BAZ2B: variants seen among roughly 807,000 people sequenced by gnomAD.
BAZ2B encodes bromodomain adjacent to zinc finger domain protein 2B.
A neutral mutation model predicts 246.0 loss-of-function variants in BAZ2B; 91 were observed. The ratio of observed to expected loss-of-function variants is 0.37; its 90% CI spans 0.31 to 0.44. The LOEUF is 0.44. BAZ2B is among the 20% of genes least tolerant of loss of function. The pLI, the probability that BAZ2B is intolerant of heterozygous loss-of-function variation, is 1.00. For synonymous variants in BAZ2B, 855 were observed against 860.0 expected (o/e 0.99, Z 0.10); for missense variants, 2,332 against 2,533.7 (o/e 0.92, Z 1.71).
intron 1 of BAZ2B, among the ~76,000 whole-genome samples, chr2:159,565,777 CAAAA>C (rs35993512): frequency 4.6e-5 from 5 of 109,414 alleles, no homozygotes; most frequent in South Asian, 2.9e-4. Flanking sequence ...ACTCCCATCT[CAAAA>C]AAAAAAAAAA....
chr2:159,448,104 A>G (rs2074519390), intron 5 of BAZ2B, 138 bp downstream of exon 5: 5 of 990,410 alleles, frequency 5.0e-6, no homozygotes, highest in East Asian at 2.8e-5. Context: ...AGCCTGGGCA[A>G]AAGAGTGAGA....
chr2:159,418,737 A>T (rs1454488234), intron 13 of BAZ2B, among the ~76,000 whole-genome samples: 1 of 152,154 alleles, frequency 6.6e-6, no homozygotes, highest in Non-Finnish European at 1.5e-5. Context: ...CAAGACTGGG[A>T]TGCAGCAATT....
At chr2:159,437,374 A>G (rs1018745100) in intron 8 of BAZ2B, 8 of 151,424 alleles carry the variant, frequency 5.3e-5, no homozygotes, top group African/African-American at 1.9e-4. Flanking sequence ...CATATAATCC[A>G]TTAAGAATGA....
At chr2:159,412,310 G>T in intron 14 of BAZ2B, 25 bp downstream of exon 14, 2 of 1,601,256 alleles carry the variant, frequency 1.2e-6, no homozygotes, top group Non-Finnish European at 1.7e-6. Context: ...ATGATTATTA[G>T]TGTCAGACAC....
At position 159,606,942 on chromosome 2, in the gene BAZ2B, C is replaced by T. The variant is rs1447912821; in HGVS notation, c.-46+9300G>A. On this transcript the variant is annotated intron_variant, in intron 1 of 36. Coordinates refer to ENST00000392783, the MANE Select transcript of BAZ2B (RefSeq NM_013450.4). Reference sequence around the variant, plus strand: ...TTTCTATTTTTTTTTTTTTTTGAGACGGAGTCTCACTCTGTCACCCAAGCT... The same window carrying T: ...TTTCTATTTTTTTTTTTTTTTGAGATGGAGTCTCACTCTGTCACCCAAGCT... 2.2e-4 allele frequency among the ~76,000 whole-genome samples: 25 copies of T among 111,444 alleles called. 1 individual carries two copies. In the South Asian group the frequency reaches 5.4e-3, roughly 24 times the overall value. The allele number at this position is 111,444 out of a possible 152,430, so 73.1% of individuals were successfully genotyped here.
intron 1 of BAZ2B, among the ~76,000 whole-genome samples, chr2:159,591,415 A>C (rs562371870): frequency 6.6e-6 from 1 of 152,332 alleles, no homozygotes; most frequent in South Asian, 2.1e-4. Flanking sequence ...CCAGTTCCCC[A>C]GTCTACTTCT....
At chr2:159,342,849 C>T (rs1044424946) in intron 31 of BAZ2B, among the ~76,000 whole-genome samples, 1 of 151,990 alleles carries the variant, frequency 6.6e-6, no homozygotes, top group Non-Finnish European at 1.5e-5. Flanking sequence ...CTACCCAATG[C>T]GATCTACAGA....
intron 8 of BAZ2B, 46 bp downstream of exon 8, chr2:159,438,257 T>C (rs773698323): frequency 2.0e-6 from 3 of 1,515,748 alleles, no homozygotes; most frequent in Non-Finnish European, 2.7e-6. Flanking sequence ...AGAAGCTCTA[T>C]CTTTCTCTAA....
At chr2:159,438,252 C>G (rs2072773304) in intron 8 of BAZ2B, 51 bp downstream of exon 8, 1 of 1,476,628 alleles carries the variant, frequency 6.8e-7, no homozygotes. Flanking sequence ...AATATAGAAG[C>G]TCTATCTTTC....
rs182990936 is a variant in BAZ2B, at chr2:159,450,639, T to C, written c.335-2230A>G. 4.9e-4 allele frequency among the ~76,000 whole-genome samples: 74 copies of C among 152,126 alleles called. 1 individual carries two copies. Among genetic ancestry groups the C allele is most frequent in the African/African-American group, 1.4e-3 (57 of 41,530 alleles). On this transcript the variant is annotated intron_variant, in intron 4 of 36. Coordinates refer to ENST00000392783, the MANE Select transcript of BAZ2B (RefSeq NM_013450.4). ...CAAAATTTAGTCACAAACCAGCTTG[T>C]TGACAAAATGAAAAATACAAAATAA... is the stretch of plus-strand genomic sequence containing the variant.
the BAZ2B span, among the ~76,000 whole-genome samples, chr2:159,668,749 A>C: frequency 6.6e-6 from 1 of 152,106 alleles, no homozygotes; most frequent in South Asian, 2.1e-4. Context: ...CAGGTCATTA[A>C]TTTTAGAGCT....
rs908791009 is a variant in BAZ2B at position 159,405,015 on chromosome 2, C to T, written c.2770+7G>A. ...CTTCGAGTTTATGTTACATTTAAATCACTCACCTTGTTGTTTTTTGGCTTC... is the reference window on the plus strand; with the variant it reads ...CTTCGAGTTTATGTTACATTTAAATTACTCACCTTGTTGTTTTTTGGCTTC... On this transcript the variant is annotated splice_region_variant and intron_variant, in intron 15 of 36. Coordinates refer to ENST00000392783, the MANE Select transcript of BAZ2B (RefSeq NM_013450.4). 1 of 1,613,800 alleles carries T rather than the reference C, an allele frequency of 6.2e-7. No homozygotes were observed. The highest frequency in any genetic ancestry group is 8.5e-7 in the Non-Finnish European group (1 of 1,179,846).
chr2:159,444,479 A>C (rs2073949259), intron 6 of BAZ2B: 1 of 152,216 alleles, frequency 6.6e-6, no homozygotes, highest in African/African-American at 2.4e-5. Context: ...GGAAATTTAA[A>C]GATTTAGAGG....
At chr2:159,552,273 TA>T (rs1190113417) in intron 2 of BAZ2B, among the ~76,000 whole-genome samples, 1 of 152,164 alleles carries the variant, frequency 6.6e-6, no homozygotes, top group Non-Finnish European at 1.5e-5. Context: ...TGAAAGTCAA[TA>T]AAGTTATCAC....
chr2:159,341,418 C>A (rs2066690556), intron 31 of BAZ2B, among the ~76,000 whole-genome samples: 1 of 152,086 alleles, frequency 6.6e-6, no homozygotes. Flanking sequence ...GAGGTAGATC[C>A]TAATATGATA....
intron 1 of BAZ2B, among the ~76,000 whole-genome samples, chr2:159,596,820 A>G (rs571375519): frequency 6.6e-6 from 1 of 152,238 alleles, no homozygotes; most frequent in Non-Finnish European, 1.5e-5. Flanking sequence ...TTCACTTAGA[A>G]TAATAGTCTC....
chr2:159,357,115 G>A (rs558323957), intron 27 of BAZ2B, among the ~76,000 whole-genome samples: 2 of 152,176 alleles, frequency 1.3e-5, no homozygotes, highest in South Asian at 2.1e-4. Context: ...AAAACTGGAC[G>A]CAGAATGAGT....
chr2:159,466,266 T>C (rs929383993), intron 3 of BAZ2B, among the ~76,000 whole-genome samples: 9 of 152,226 alleles, frequency 5.9e-5, no homozygotes, highest in Non-Finnish European at 7.3e-5. Flanking sequence ...GCATAGTCAC[T>C]TGATTATTAC....
intron 1 of BAZ2B, among the ~76,000 whole-genome samples, chr2:159,604,018 T>C (rs1692803828): frequency 6.6e-6 from 1 of 152,216 alleles, no homozygotes; most frequent in Non-Finnish European, 1.5e-5. Context: ...TTTTTATCAA[T>C]GCTTTTCTGT....
Sources: gnomAD v4.1 joint callset for allele counts (sites outside exome capture counted in the v4.1 genomes callset) on GRCh38, gnomAD v4.1.1 for gene constraint, MANE v1.5 for transcripts, NCBI Gene and HGNC (gene_info 2026-07-23, HGNC 2026-07-21) for gene names.